Variants in ZFYVE9 observed in about 807,000 individuals in gnomAD.
The protein encoded by ZFYVE9 is zinc finger FYVE-type containing 9.
Under a neutral mutation model 126.7 loss-of-function variants are expected in ZFYVE9, and 43 were observed. That is an observed-to-expected ratio of 0.34 (90% CI 0.27 to 0.44). ZFYVE9 has a LOEUF of 0.44. Among genes scored for constraint, ZFYVE9 ranks in the 20% least tolerant of loss-of-function variants. The pLI is 1.00. For missense variants in ZFYVE9, 1,476 were observed against 1,697.0 expected (o/e 0.87, Z 2.29); for synonymous variants, 521 against 597.4 (o/e 0.87, Z 1.87).
At chr1:52,319,050 T>G (rs1286948588) in intron 13 of ZFYVE9, among the ~76,000 whole-genome samples, 1 of 152,190 alleles carries the variant, frequency 6.6e-6, no homozygotes, top group Non-Finnish European at 1.5e-5. Flanking sequence ...TGAGCTGAGA[T>G]TGTGTCACTG....
intron 1 of ZFYVE9, among the ~76,000 whole-genome samples, chr1:52,150,784 AAAG>A (rs1276167368): frequency 6.6e-6 from 1 of 151,876 alleles, no homozygotes; most frequent in African/African-American, 2.4e-5. Flanking sequence ...AAAAAAAAAA[AAAG>A]AAGAAAAGAT....
In ZFYVE9 at chr1:52,226,007, C is replaced by T. The variant is rs115837251; in HGVS notation, c.-36-7164C>T. Among the ~76,000 whole-genome samples, 958 of 152,186 alleles carry T rather than the reference C, an allele frequency of 6.3e-3. 6 individuals carry two copies. Among genetic ancestry groups the T allele is most frequent in the African/African-American group, 0.022 (912 of 41,538 alleles). ...GGAAAAGACTGGCAGGTGGTGGATGCGCCGGATTTTATAGTCCAGCTTGAG... is the reference window on the plus strand; with the variant it reads ...GGAAAAGACTGGCAGGTGGTGGATGTGCCGGATTTTATAGTCCAGCTTGAG... On this transcript the variant is annotated intron_variant, in intron 2 of 18. Transcript: ENST00000287727.
At chr1:52,339,859 C>G (rs770103723) in intron 16 of ZFYVE9, among the ~76,000 whole-genome samples, 1 of 152,112 alleles carries the variant, frequency 6.6e-6, no homozygotes, top group African/African-American at 2.4e-5. Flanking sequence ...AATTTCTTTA[C>G]GTTAAAGAGA....
intron 1 of ZFYVE9, among the ~76,000 whole-genome samples, chr1:52,203,796 A>G (rs1399040950): frequency 6.6e-6 from 1 of 151,308 alleles, no homozygotes; most frequent in Non-Finnish European, 1.5e-5. Context: ...GTTTCTGTTG[A>G]GATATCCTCA....
chr1:52,270,326 C>T (rs1281517901), intron 7 of ZFYVE9, among the ~76,000 whole-genome samples: 1 of 152,102 alleles, frequency 6.6e-6, no homozygotes, highest in Admixed American at 6.5e-5. Flanking sequence ...TGCAGTGGTG[C>T]GATCCTGGCT....
At chr1:52,304,651 A>G (rs1646065421) in intron 13 of ZFYVE9, among the ~76,000 whole-genome samples, 1 of 150,776 alleles carries the variant, frequency 6.6e-6, no homozygotes, top group African/African-American at 2.4e-5. Context: ...CCACTAAATC[A>G]TTTATGCGTT....
chr1:52,227,488 C>T (rs1211184442), intron 2 of ZFYVE9, among the ~76,000 whole-genome samples: 1 of 152,256 alleles, frequency 6.6e-6, no homozygotes, highest in African/African-American at 2.4e-5. Context: ...GCCTTTGCAG[C>T]TGTGTATTCA....
intron 13 of ZFYVE9, among the ~76,000 whole-genome samples, chr1:52,323,420 C>T (rs1646259986): frequency 6.6e-6 from 1 of 152,148 alleles, no homozygotes; most frequent in African/African-American, 2.4e-5. Flanking sequence ...TTTGTCTCCT[C>T]CTCCTACACA....
At chr1:52,216,554 T>C (rs1645073763) in intron 2 of ZFYVE9, 80 bp downstream of exon 2, 1 of 397,572 alleles carries the variant, frequency 2.5e-6, no homozygotes, top group South Asian at 1.3e-4. Flanking sequence ...CTGATGCATA[T>C]ATGTTACTTG....
chr1:52,213,881 A>G (rs1469070612), intron 1 of ZFYVE9, among the ~76,000 whole-genome samples: 5 of 152,108 alleles, frequency 3.3e-5, no homozygotes, highest in Non-Finnish European at 7.4e-5. Flanking sequence ...GAGATTTGTG[A>G]TATAGAGACT....
chr1:52,164,567 G>T (rs946984627), intron 1 of ZFYVE9, among the ~76,000 whole-genome samples: 5 of 151,774 alleles, frequency 3.3e-5, no homozygotes, highest in African/African-American at 4.8e-5. Context: ...TGTTTGCACC[G>T]AGCCAACAAT....
At chr1:52,341,435 A>G (rs1646436722) in intron 17 of ZFYVE9, among the ~76,000 whole-genome samples, 2 of 152,204 alleles carry the variant, frequency 1.3e-5, no homozygotes, top group Non-Finnish European at 2.9e-5. Flanking sequence ...TTGTATGTAC[A>G]TGTCATATAG....
intron 13 of ZFYVE9, among the ~76,000 whole-genome samples, chr1:52,307,752 CTTT>C (rs1200929559): frequency 7.2e-6 from 1 of 139,854 alleles, no homozygotes. Context: ...CTTTTTTCTT[CTTT>C]TTTTTTTTTT....
chr1:52,183,721 G>T (rs568462303), intron 1 of ZFYVE9, among the ~76,000 whole-genome samples: 4 of 152,286 alleles, frequency 2.6e-5, no homozygotes, highest in East Asian at 3.9e-4. Flanking sequence ...GCCCAGGCTG[G>T]TCTCAAACTC....
Position 52,237,982 on chromosome 1 carries a change from AACAG to A in ZFYVE9, c.569_572del (p.Arg190LysfsTer9), listed in dbSNP as rs1645291473. ...TTTTAGCTGTTCACTGGATAATGAAAACAGACAAACTGATCAATTTAGTTTTAGT... is the reference window on the plus strand; with the variant it reads ...TTTTAGCTGTTCACTGGATAATGAAAACAAACTGATCAATTTAGTTTTAGT... On this transcript the variant is annotated frameshift_variant, in exon 4 of 19. Transcript: ENST00000287727. LOFTEE classifies it high-confidence loss of function. 1.2e-6 allele frequency: 2 copies of A among 1,613,942 alleles called. No homozygotes were observed. The highest frequency in any genetic ancestry group is 1.7e-6 in the Non-Finnish European group (2 of 1,179,984).
chr1:52,193,145 C>T (rs1644830575), intron 1 of ZFYVE9, among the ~76,000 whole-genome samples: 1 of 152,002 alleles, frequency 6.6e-6, no homozygotes, highest in African/African-American at 2.4e-5. Flanking sequence ...AACTTCTGGG[C>T]TCAAACAGTC....
chr1:52,230,539 AAAG>A (rs1467861143), intron 2 of ZFYVE9, among the ~76,000 whole-genome samples: 79 of 152,046 alleles, frequency 5.2e-4, no homozygotes, highest in African/African-American at 1.8e-3. Flanking sequence ...AAAAAAAAAA[AAAG>A]AATCAGTTGG....
At chr1:52,315,226 C>G (rs764221953) in intron 13 of ZFYVE9, among the ~76,000 whole-genome samples, 1 of 151,920 alleles carries the variant, frequency 6.6e-6, no homozygotes, top group Non-Finnish European at 1.5e-5. Context: ...GCCAGGAGTT[C>G]AAGGACAGCT....
intron 1 of ZFYVE9, among the ~76,000 whole-genome samples, chr1:52,209,358 A>G (rs979079699): frequency 6.6e-6 from 1 of 152,232 alleles, no homozygotes; most frequent in African/African-American, 2.4e-5. Context: ...TAGAATTCAT[A>G]TATCATAAAA....
Sources: allele counts gnomAD v4.1 joint callset (sites outside exome capture counted in the v4.1 genomes callset), GRCh38; gene constraint gnomAD v4.1.1; transcripts MANE v1.5; gene names NCBI Gene and HGNC (gene_info 2026-07-23, HGNC 2026-07-21).